Variants in LRRIQ1 observed in about 807,000 individuals in gnomAD.
The protein encoded by LRRIQ1 is leucine rich repeats and IQ motif containing 1.
Under a neutral mutation model 211.9 loss-of-function variants are expected in LRRIQ1, and 210 were observed. The observed-to-expected ratio is 0.99, with a 90% CI of 0.89 to 1.11. The LOEUF (loss-of-function observed/expected upper bound fraction) is 1.11. Among genes scored for constraint, LRRIQ1 ranks in the 50% most tolerant of loss-of-function variants. The pLI, the probability that LRRIQ1 is intolerant of heterozygous loss-of-function variation, is 0.00. For missense variants in LRRIQ1, 2,136 were observed against 1,939.5 expected (o/e 1.10, Z -1.90); for synonymous variants, 699 against 650.1 (o/e 1.08, Z -1.14).
intron 10 of LRRIQ1, among the ~76,000 whole-genome samples, chr12:85,070,299 A>G (rs1158553341): frequency 1.3e-5 from 2 of 151,960 alleles, no homozygotes; most frequent in Admixed American, 6.6e-5. Context: ...ACGCTCCATT[A>G]TAAAGCTCGC....
At chr12:85,226,891 G>C (rs1369721648) in intron 24 of LRRIQ1, among the ~76,000 whole-genome samples, 3 of 151,890 alleles carry the variant, frequency 2.0e-5, no homozygotes, top group Non-Finnish European at 4.4e-5. Context: ...GTATTCCATG[G>C]TGTATATGTG....
At chr12:85,253,528 G>T (rs1192796555) in intron 1 of LRRIQ1, among the ~76,000 whole-genome samples, 2 of 151,964 alleles carry the variant, frequency 1.3e-5, no homozygotes, top group Non-Finnish European at 2.9e-5. Context: ...ATTGTCTCTT[G>T]CCAGCCAGAA....
At chr12:85,241,737 G>T (rs2137258222) in intron 26 of LRRIQ1, among the ~76,000 whole-genome samples, 1 of 151,888 alleles carries the variant, frequency 6.6e-6, no homozygotes, top group African/African-American at 2.4e-5. Flanking sequence ...AGAAATATCT[G>T]GGTAATAAGT....
At chr12:85,135,237 A>T (rs778808542) in intron 18 of LRRIQ1, among the ~76,000 whole-genome samples, 1 of 151,926 alleles carries the variant, frequency 6.6e-6, no homozygotes, top group African/African-American at 2.4e-5. Context: ...ATGCATCCTC[A>T]TGACATCATT....
At chr12:85,145,706 G>A (rs1334514012) in intron 19 of LRRIQ1, among the ~76,000 whole-genome samples, 3 of 151,652 alleles carry the variant, frequency 2.0e-5, no homozygotes, top group Non-Finnish European at 3.0e-5. Flanking sequence ...ACGGCTGTTA[G>A]CAACCCTGCC....
At chr12:85,103,443 A>G (rs1368102235) in intron 13 of LRRIQ1, among the ~76,000 whole-genome samples, 1 of 151,760 alleles carries the variant, frequency 6.6e-6, no homozygotes, top group Non-Finnish European at 1.5e-5. Flanking sequence ...AATTTTGAAT[A>G]CTTACAGTAC....
intron 18 of LRRIQ1, among the ~76,000 whole-genome samples, chr12:85,136,060 A>G (rs1454799551): frequency 6.6e-6 from 1 of 151,920 alleles, no homozygotes; most frequent in African/African-American, 2.4e-5. Flanking sequence ...TTACTTATTT[A>G]ATTGTATATT....
At chr12:85,268,371 G>A (rs1896465902), downstream of LRRIQ1, among the ~76,000 whole-genome samples, 2 of 151,832 alleles carry the variant, frequency 1.3e-5, no homozygotes, top group Admixed American at 6.6e-5. Context: ...AAAATAGGTG[G>A]GAATGTCAAC....
intron 24 of LRRIQ1, among the ~76,000 whole-genome samples, chr12:85,215,246 A>T (rs891845553): frequency 1.3e-5 from 2 of 152,202 alleles, no homozygotes; most frequent in Admixed American, 6.5e-5. Flanking sequence ...AACAACTTTG[A>T]CACTCCAGTA....
chr12:85,098,737 T>G (rs1886115597), intron 12 of LRRIQ1, 130 bp from the exon 13 acceptor site: 2 of 729,946 alleles, frequency 2.7e-6, no homozygotes, highest in East Asian at 2.9e-5. Context: ...TTAAAAAGTC[T>G]TATACCTTAT....
chr12:85,096,277 A>G (rs1885872381), intron 11 of LRRIQ1, among the ~76,000 whole-genome samples: 1 of 152,118 alleles, frequency 6.6e-6, no homozygotes, highest in African/African-American at 2.4e-5. Flanking sequence ...AGATTTTTCT[A>G]ACTTCTTGAT....
intron 26 of LRRIQ1, among the ~76,000 whole-genome samples, chr12:85,235,690 G>A (rs1027710646): frequency 6.6e-5 from 10 of 152,112 alleles, no homozygotes; most frequent in Admixed American, 6.6e-4. Flanking sequence ...GATCTAGGTA[G>A]GGTATGATAA....
intron 24 of LRRIQ1, among the ~76,000 whole-genome samples, chr12:85,212,653 C>G (rs1245832965): frequency 6.6e-6 from 1 of 150,834 alleles, no homozygotes; most frequent in African/African-American, 2.4e-5. Flanking sequence ...CTTGTATTCT[C>G]TAGGAGAGAA....
In LRRIQ1 at chr12:85,056,052, G is replaced by A. The variant is rs756767581; in HGVS notation, c.1259G>A (p.Gly420Asp). ...CTTGAAGATATTTCAAATGATAAGGGTGATATAGCCAAAAATCTAGTGGAT... is the reference window on the plus strand; with the variant it reads ...CTTGAAGATATTTCAAATGATAAGGATGATATAGCCAAAAATCTAGTGGAT... ...LSLEDISNDK[G>D]DIAKNLVDEN... Residue 420 changes from glycine to aspartate, a missense_variant, in exon 8 of 27, where the codon GGT becomes GAT. Physicochemically the swap from Gly to Asp is moderately conservative, Grantham distance 94. Transcript: ENST00000393217. 3.1e-6 allele frequency: 5 copies of A among 1,598,850 alleles called. No homozygotes were observed. The highest frequency in any genetic ancestry group is 2.6e-6 in the Non-Finnish European group (3 of 1,175,852).
chr12:85,038,244 C>A lies in LRRIQ1; in HGVS notation c.68C>A (p.Ser23Tyr), dbSNP rs1242457714. The change falls in exon 2 of 27, where the codon TCC becomes TAC. Residue 23 changes from serine (S) to tyrosine (Y), a missense_variant. Coordinates refer to ENST00000393217, the MANE Select transcript of LRRIQ1 (RefSeq NM_001079910.2). ...GAATTGGATAAACTCAGCATTTCCTCCTTGGAAAAAGAAGACATTGAGAGT... is the reference window on the plus strand; with the variant it reads ...GAATTGGATAAACTCAGCATTTCCTACTTGGAAAAAGAAGACATTGAGAGT... ...EAELDKLSIS[S>Y]LEKEDIESDA... 6.3e-7 allele frequency: 1 copy of A among 1,586,464 alleles called. No homozygotes were observed. The highest frequency in any genetic ancestry group is 8.6e-7 in the Non-Finnish European group (1 of 1,164,792).
At chr12:85,164,697 A>G (rs988426814) in intron 24 of LRRIQ1, among the ~76,000 whole-genome samples, 2 of 152,202 alleles carry the variant, frequency 1.3e-5, no homozygotes, top group Admixed American at 6.5e-5. Context: ...ATGATAAAAC[A>G]GTAGTATTGA....
chr12:85,102,777 C>T (rs1449728149), intron 13 of LRRIQ1, among the ~76,000 whole-genome samples: 1 of 150,930 alleles, frequency 6.6e-6, no homozygotes, highest in Non-Finnish European at 1.5e-5. Flanking sequence ...GTAAAGGACC[C>T]TTCCAGGACA....
At chr12:85,081,181 C>T (rs951682038) in intron 11 of LRRIQ1, among the ~76,000 whole-genome samples, 6 of 152,196 alleles carry the variant, frequency 3.9e-5, no homozygotes, top group South Asian at 2.1e-4. Flanking sequence ...ATTGTGACCT[C>T]CTAGGTTTGT....
At chr12:85,213,450 C>T (rs1893934321) in intron 24 of LRRIQ1, among the ~76,000 whole-genome samples, 1 of 151,934 alleles carries the variant, frequency 6.6e-6, no homozygotes, top group Admixed American at 6.6e-5. Flanking sequence ...CTCAAAAAAT[C>T]AGTAAGGGAC....
Sources: allele counts gnomAD v4.1 joint callset (sites outside exome capture counted in the v4.1 genomes callset), GRCh38; gene constraint gnomAD v4.1.1; transcripts MANE v1.5; gene names NCBI Gene and HGNC (gene_info 2026-07-23, HGNC 2026-07-21).